Variants in PATL1 observed in about 807,000 individuals in gnomAD.
PATL1 encodes the protein protein PAT1 homolog 1.
Under a neutral mutation model 100.6 loss-of-function variants are expected in PATL1, and 32 were observed. The observed-to-expected ratio is 0.32, with a 90% confidence interval of 0.24 to 0.43. The LOEUF is 0.43. PATL1 is among the 20% of genes least tolerant of loss of function. PATL1 has a pLI of 1.00. For synonymous variants in PATL1, 332 were observed against 330.0 expected (o/e 1.01, Z -0.07); for missense variants, 747 against 949.9 (o/e 0.79, Z 2.81).
chr11:59,652,604 ATTTCAGTTGTAACACAAG>A lies in PATL1; in HGVS notation c.1303-35_1303-18del, dbSNP rs1287972390. Reference sequence around the variant, plus strand: ...AAAGTAATTCTACCACGAGAAGATGATTTCAGTTGTAACACAAGCACAGAACACGACTGTTGTTTACCA... The same window carrying A: ...AAAGTAATTCTACCACGAGAAGATGACACAGAACACGACTGTTGTTTACCA... On this transcript the variant is annotated intron_variant, in intron 10 of 18. Transcript: ENST00000300146. 6.2e-7 allele frequency: 1 copy of A among 1,612,392 alleles called. No homozygotes were observed. The highest frequency in any genetic ancestry group is 8.5e-7 in the Non-Finnish European group (1 of 1,179,430).
At chr11:59,650,876 C>A (rs748191445) in intron 12 of PATL1, 63 bp from the exon 13 acceptor site, 1 of 1,161,326 alleles carries the variant, frequency 8.6e-7, no homozygotes, top group Non-Finnish European at 1.2e-6. Context: ...TTACCAAGTG[C>A]GCATTTGTAG....
chr11:59,638,309 C>T lies in PATL1; in HGVS notation c.*81G>A. ...TTTGGGGAAAAAGCTACCTTCCTTC[C>T]CTCATTAAAAACACTCCATTGGTGA... is the stretch of plus-strand genomic sequence containing the variant. On this transcript the variant is annotated 3_prime_UTR_variant, in exon 19 of 19. Transcript: ENST00000300146. 2 of 1,424,098 alleles carry T rather than the reference C, an allele frequency of 1.4e-6. No homozygotes were observed. Among genetic ancestry groups the T allele is most frequent in the Non-Finnish European group, 2.0e-6 (2 of 1,016,810 alleles). 88.2% of individuals were successfully genotyped at this position (1,424,098 alleles called of 1,614,324 possible). A position where few individuals can be genotyped will look rare whatever the true frequency, so the allele number is the denominator to read the frequency against.
At chr11:59,638,727 C>T (rs957769708) in intron 18 of PATL1, among the ~76,000 whole-genome samples, 1 of 152,124 alleles carries the variant, frequency 6.6e-6, no homozygotes, top group African/African-American at 2.4e-5. Flanking sequence ...GTCACCCAGG[C>T]TGGAGTGCAG....
chr11:59,650,629 G>A (rs879790358), intron 13 of PATL1, 125 bp downstream of exon 13: 8 of 650,612 alleles, frequency 1.2e-5, no homozygotes, highest in Non-Finnish European at 2.1e-5. Context: ...TCACTTACCA[G>A]CAATATATTC....
chr11:59,641,827 A>G (rs574208543), intron 16 of PATL1, among the ~76,000 whole-genome samples: 37 of 152,240 alleles, frequency 2.4e-4, no homozygotes, highest in Middle Eastern at 3.4e-3. Flanking sequence ...AAACTAAGAG[A>G]CCAAATAACA....
chr11:59,668,864 C>T lies in PATL1; in HGVS notation c.15+17G>A, dbSNP rs1054976899. The T allele has an allele frequency of 2.6e-5, 33 of 1,277,998 alleles. No individual in the cohort carries two copies. The highest frequency in any genetic ancestry group is 3.3e-5 in the Non-Finnish European group (31 of 951,388). The allele number at this position is 1,277,998 out of a possible 1,614,324, so 79.2% of individuals were successfully genotyped here. ...GCGGGAGGGAGGGAGGGGTCACTTC[C>T]GGTCGCAACAGCTCACCTCGTAGCG... On this transcript the variant is annotated intron_variant, in intron 1 of 18. Transcript: ENST00000300146.
intron 1 of PATL1, 90 bp downstream of exon 1, chr11:59,668,791 C>A (rs2134767880): frequency 1.5e-6 from 1 of 678,442 alleles, no homozygotes. Context: ...CCCCCTGCCC[C>A]GCAGGAACAC....
Position 59,668,887 on chromosome 11 carries a change from G to T in PATL1, c.9C>A (p.Arg3=). 8.1e-7 allele frequency: 1 copy of T among 1,239,916 alleles called. No homozygotes were observed. Among genetic ancestry groups the T allele is most frequent in the Non-Finnish European group, 1.1e-6 (1 of 930,444 alleles). The allele number at this position is 1,239,916 out of a possible 1,614,324, so 76.8% of individuals were successfully genotyped here. ...TCCGGTCGCAACAGCTCACCTCGTA[G>T]CGGAACATTCTTGGGGAGGGGGGCA... MF[R]YESLEDCPLD... The change falls in exon 1 of 19, where the codon CGC becomes CGA. Residue 3 remains arginine, a synonymous_variant. Transcript: ENST00000300146.
At chr11:59,666,010 G>T (rs1861683309) in intron 2 of PATL1, among the ~76,000 whole-genome samples, 2 of 151,802 alleles carry the variant, frequency 1.3e-5, no homozygotes, top group Non-Finnish European at 2.9e-5. Context: ...TCTATAGGCT[G>T]GGCGCGGTGG....
intron 16 of PATL1, 68 bp from the exon 17 acceptor site, chr11:59,639,451 G>T: frequency 1.7e-6 from 2 of 1,207,896 alleles, no homozygotes; most frequent in Non-Finnish European, 1.2e-6. Flanking sequence ...CTGTTGAAGG[G>T]ATCCTGGCAT....
chr11:59,655,955 C>T lies in PATL1; in HGVS notation c.813+1G>A, dbSNP rs747873601. 1.3e-6 allele frequency: 2 copies of T among 1,583,440 alleles called. No individual in the cohort carries two copies. The highest frequency in any genetic ancestry group is 1.7e-6 in the Non-Finnish European group (2 of 1,162,580). The stretch of plus-strand genomic sequence containing the variant: ...ATGGGTAGGGCTAATCACAGGCTTA[C>T]CTGTGCTCCTCCAAGAAGCTGTGCT... On this transcript the variant is annotated splice_donor_variant, in intron 7 of 18. Coordinates refer to ENST00000300146, the MANE Select transcript of PATL1 (RefSeq NM_152716.3). LOFTEE classifies it high-confidence loss of function.
At chr11:59,647,974 T>A (rs1362204634) in intron 14 of PATL1, 61 bp from the exon 15 acceptor site, 1 of 1,486,218 alleles carries the variant, frequency 6.7e-7, no homozygotes, top group Non-Finnish European at 9.1e-7. Flanking sequence ...CCTCATTTTT[T>A]TCCTCTTAGA....
At chr11:59,657,419 A>G in intron 5 of PATL1, 111 bp downstream of exon 5, 1 of 1,047,186 alleles carries the variant, frequency 9.5e-7, no homozygotes, top group Non-Finnish European at 1.3e-6. Flanking sequence ...TTTTCTTTCT[A>G]ATCTAATGCC....
chr11:59,668,827 A>AGGGAGAGGGGCGCGGGAGG (rs1160393622), intron 1 of PATL1, 54 bp downstream of exon 1: 4 of 804,182 alleles, frequency 5.0e-6, no homozygotes, highest in Non-Finnish European at 7.5e-6. Flanking sequence ...AGAGAGAGTG[A>AGGGAGAGGGGCGCGGGAGG]GGGAGAGGGG....
intron 2 of PATL1, among the ~76,000 whole-genome samples, chr11:59,660,091 C>T (rs981447917): frequency 6.6e-6 from 1 of 152,120 alleles, no homozygotes; most frequent in Non-Finnish European, 1.5e-5. Flanking sequence ...TATAGTACTA[C>T]TAGTTGGTTT....
In PATL1 at chr11:59,668,938, G is replaced by A; in HGVS notation, c.-43C>T. ...GGGAGCGGGGAGGGGAGAGGGGGAG[G>A]GAGGGAAGAAGCGCTGACTCCCCGG... On this transcript the variant is annotated 5_prime_UTR_variant, in exon 1 of 19. Coordinates refer to ENST00000300146, the MANE Select transcript of PATL1 (RefSeq NM_152716.3). 2.4e-6 allele frequency: 1 copy of A among 410,548 alleles called. No homozygotes were observed. The highest frequency in any genetic ancestry group is 4.5e-6 in the Non-Finnish European group (1 of 224,502). 25.4% of individuals were successfully genotyped at this position (410,548 alleles called of 1,614,324 possible). A position where few individuals can be genotyped will look rare whatever the true frequency, so the allele number is the denominator to read the frequency against.
At chr11:59,650,634 A>G (rs1861429374) in intron 13 of PATL1, 120 bp downstream of exon 13, 1 of 667,474 alleles carries the variant, frequency 1.5e-6, no homozygotes, top group South Asian at 2.1e-5. Flanking sequence ...TACCAGCAAT[A>G]TATTCATGAA....
At chr11:59,654,805 G>C (rs1861502461) in intron 8 of PATL1, among the ~76,000 whole-genome samples, 1 of 152,140 alleles carries the variant, frequency 6.6e-6, no homozygotes. Context: ...AGGGTATTTT[G>C]TAAAGATGTG....
intron 12 of PATL1, 32 bp downstream of exon 12, chr11:59,651,512 G>A (rs369976094): frequency 1.4e-5 from 22 of 1,525,962 alleles, no homozygotes; most frequent in African/African-American, 5.5e-5. Flanking sequence ...CAAATCAGAC[G>A]TTCTTAAACA....
Sources: gnomAD v4.1 joint callset for allele counts (sites outside exome capture counted in the v4.1 genomes callset) on GRCh38, gnomAD v4.1.1 for gene constraint, MANE v1.5 for transcripts, NCBI Gene and HGNC (gene_info 2026-07-23, HGNC 2026-07-21) for gene names.